Variants in PEMT observed in about 807,000 individuals in gnomAD.
PEMT encodes the protein phosphatidylethanolamine N-methyltransferase.
Under a neutral mutation model 27.4 loss-of-function variants are expected in PEMT, and 23 were observed. That is an observed-to-expected ratio of 0.84 (90% CI 0.60 to 1.19). The LOEUF (loss-of-function observed/expected upper bound fraction) is 1.19. Among genes scored for constraint, PEMT ranks in the 50% most tolerant of loss-of-function variants. The probability of loss-of-function intolerance (pLI) is 0.00; values close to 1 mark genes in which losing one functional copy is unlikely to be tolerated. For missense variants in PEMT, 307 were observed against 310.1 expected (o/e 0.99, Z 0.07); for synonymous variants, 137 against 139.1 (o/e 0.98, Z 0.11).
rs933067910 is a variant in PEMT at position 17,561,261 on chromosome 17, G to A, written c.204+15659C>T. 5.9e-5 allele frequency among the ~76,000 whole-genome samples: 9 copies of A among 152,130 alleles called. No homozygotes were observed. Among genetic ancestry groups the A allele is most frequent in the African/African-American group, 2.2e-4 (9 of 41,422 alleles). ...CACGGAGTGTGTCACATCCTCACAC[G>A]ACCCAGGAGGTGGAACCTACAGGTA... is the stretch of plus-strand genomic sequence containing the variant. On this transcript the variant is annotated intron_variant, in intron 2 of 6. Transcript: ENST00000255389. This position sits in a 1 kb window ranked among gnomAD's most constrained non-coding sequence, Gnocchi z 4.5.
rs1912014288 is a variant in PEMT, at chr17:17,582,206, C to A, written c.97-5179G>T. The A allele has an allele frequency of 5.5e-6, 5 of 909,176 alleles. No homozygotes were observed. The highest frequency in any genetic ancestry group is 6.6e-6 in the Non-Finnish European group (5 of 760,312). The allele number at this position is 909,176 out of a possible 1,614,324, so 56.3% of individuals were successfully genotyped here. Reference sequence around the variant, plus strand: ...TACCCAGTAATTCTAATGGAACCCCCACTCCAAGGCTCCAGGTTGCAGAGG... The same window carrying A: ...TACCCAGTAATTCTAATGGAACCCCAACTCCAAGGCTCCAGGTTGCAGAGG... On this transcript the variant is annotated intron_variant, in intron 1 of 6. Transcript: ENST00000255389. The surrounding 1 kb of genome is among the most constrained non-coding windows in gnomAD (Gnocchi z 4.9).
chr17:17,573,882 A>G (rs1427362993), intron 2 of PEMT, among the ~76,000 whole-genome samples: 1 of 152,180 alleles, frequency 6.6e-6, no homozygotes, highest in Non-Finnish European at 1.5e-5. Context: ...CCTGGGTTCA[A>G]GTGATTCTCC....
intron 3 of PEMT, among the ~76,000 whole-genome samples, chr17:17,521,938 C>T (rs1429161409): frequency 3.3e-5 from 5 of 152,292 alleles, no homozygotes; most frequent in South Asian, 2.1e-4. Flanking sequence ...TGAGGGCTCC[C>T]GAGCCAGCAT....
At chr17:17,570,126 A>G (rs1911087394) in intron 2 of PEMT, among the ~76,000 whole-genome samples, 1 of 152,252 alleles carries the variant, frequency 6.6e-6, no homozygotes, top group South Asian at 2.1e-4. Flanking sequence ...CATTTCTGCC[A>G]GGCATGGTGC....
intron 3 of PEMT, among the ~76,000 whole-genome samples, chr17:17,517,246 T>A (rs1332320950): frequency 1.3e-5 from 2 of 152,112 alleles, no homozygotes; most frequent in Non-Finnish European, 2.9e-5. Context: ...AACTGTCACA[T>A]AGTAAGTTTG....
chr17:17,577,356 A>T, intron 1 of PEMT: 1 of 624,030 alleles, frequency 1.6e-6, no homozygotes, highest in Non-Finnish European at 2.2e-6. Flanking sequence ...GAGGGTTCTC[A>T]GAGGCCCCAG....
rs949015918 is a variant in PEMT at position 17,513,230 on chromosome 17, C to A, written c.321-576G>T. ...TGCATTTAAAGGCACTTTGGGGGCCCTTAATGTCCTCCTCCACACCTGAAT... is the reference window on the plus strand; with the variant it reads ...TGCATTTAAAGGCACTTTGGGGGCCATTAATGTCCTCCTCCACACCTGAAT... On this transcript the variant is annotated intron_variant, in intron 3 of 6. Transcript: ENST00000255389. This position sits in a 1 kb window ranked among gnomAD's most constrained non-coding sequence, Gnocchi z 4.1. Among the ~76,000 whole-genome samples the A allele has an allele frequency of 6.6e-6, 1 of 152,230 alleles. No individual in the cohort carries two copies. Among genetic ancestry groups the A allele is most frequent in the Non-Finnish European group, 1.5e-5 (1 of 68,038 alleles).
chr17:17,577,514 G>C lies in PEMT; in HGVS notation c.97-487C>G, dbSNP rs1029254553. On this transcript the variant is annotated intron_variant, in intron 1 of 6. Transcript: ENST00000255389. ...GAGTGCACACGAGGGTGTGAGTGGG[G>C]CGGGGTAAACTGAAAAAGTGTGTGC... 74 of 1,001,490 alleles carry C rather than the reference G, an allele frequency of 7.4e-5. No individual in the cohort carries two copies. The African/African-American group carries it at 1.2e-3, about 16-fold the overall frequency. The allele number at this position is 1,001,490 out of a possible 1,614,324, so 62.0% of individuals were successfully genotyped here.
intron 2 of PEMT, among the ~76,000 whole-genome samples, chr17:17,568,841 T>C (rs575746452): frequency 6.6e-6 from 1 of 152,226 alleles, no homozygotes; most frequent in Non-Finnish European, 1.5e-5. Flanking sequence ...CTCCTCCTCC[T>C]CCTCTTCCTC....
At chr17:17,586,198 G>A (rs2082016292) in intron 1 of PEMT, among the ~76,000 whole-genome samples, 1 of 118,826 alleles carries the variant, frequency 8.4e-6, no homozygotes, top group East Asian at 2.4e-4. Context: ...AAGAAGGAAG[G>A]AAAGAAAGAA....
chr17:17,522,435 G>A (rs1465975065), intron 2 of PEMT, 40 bp from the exon 3 acceptor site: 1 of 1,355,162 alleles, frequency 7.4e-7, no homozygotes, highest in Non-Finnish European at 1.1e-6. Context: ...ATATTTCCTG[G>A]GGAGACTCCA....
At chr17:17,507,367 C>T in intron 5 of PEMT, 2 of 646,636 alleles carry the variant, frequency 3.1e-6, no homozygotes, top group Non-Finnish European at 5.5e-6. Flanking sequence ...ATCACAAGAA[C>T]CTCAGGCAGG....
At chr17:17,586,322 C>T (rs1266541152) in intron 1 of PEMT, among the ~76,000 whole-genome samples, 2 of 149,352 alleles carry the variant, frequency 1.3e-5, no homozygotes, top group Non-Finnish European at 3.0e-5. Context: ...ATCGGGAGGA[C>T]GCAGCTGACC....
intron 2 of PEMT, among the ~76,000 whole-genome samples, chr17:17,574,913 T>C (rs1911476407): frequency 6.6e-6 from 1 of 152,210 alleles, no homozygotes; most frequent in South Asian, 2.1e-4. Context: ...AGAGAAGGAC[T>C]GTGGACAGCC....
rs761083969 is a variant in PEMT, at chr17:17,576,906, G to T, written c.204+14C>A. ...AGATACTCCCGTCTGGACAGTGTCA[G>T]GCACATCACTTACCACATTCCAGTA... On this transcript the variant is annotated intron_variant, in intron 2 of 6. Transcript: ENST00000255389. 6.3e-7 allele frequency: 1 copy of T among 1,597,940 alleles called. No individual in the cohort carries two copies. The highest frequency in any genetic ancestry group is 8.6e-7 in the Non-Finnish European group (1 of 1,165,260).
intron 5 of PEMT, chr17:17,508,832 C>A: frequency 2.2e-6 from 1 of 449,148 alleles, no homozygotes; most frequent in Non-Finnish European, 4.6e-6. Context: ...GTATCTGCCA[C>A]ATGGGCAGAG....
chr17:17,547,660 C>T (rs1320045013), intron 2 of PEMT, among the ~76,000 whole-genome samples: 1 of 151,966 alleles, frequency 6.6e-6, no homozygotes, highest in Admixed American at 6.6e-5. Flanking sequence ...CCTCTTCCTC[C>T]TCCTCCTCCT....
intron 2 of PEMT, among the ~76,000 whole-genome samples, chr17:17,567,419 A>G (rs986015432): frequency 6.6e-6 from 1 of 152,290 alleles, no homozygotes; most frequent in African/African-American, 2.4e-5. Context: ...GCTGCTGCCC[A>G]GCTCAGCTGC....
intron 2 of PEMT, among the ~76,000 whole-genome samples, chr17:17,544,779 C>T (rs1047204077): frequency 4.6e-5 from 7 of 152,162 alleles, no homozygotes; most frequent in African/African-American, 9.7e-5. Flanking sequence ...CCAGCAGACA[C>T]GGGTCCAAGA....
Sources: allele counts gnomAD v4.1 joint callset (sites outside exome capture counted in the v4.1 genomes callset), GRCh38; gene constraint gnomAD v4.1.1; non-coding constraint Gnocchi (gnomAD v3.1); transcripts MANE v1.5; gene names NCBI Gene and HGNC (gene_info 2026-07-23, HGNC 2026-07-21).